Variants in HAPLN3 observed in about 807,000 individuals in gnomAD.
HAPLN3 encodes the protein hyaluronan and proteoglycan link protein 3.
In HAPLN3, 28 loss-of-function variants were observed where a neutral mutation model predicts 28.1. The observed-to-expected ratio is 1.00, with a 90% CI of 0.74 to 1.37. The LOEUF (loss-of-function observed/expected upper bound fraction) is 1.37, where lower values mean the gene tolerates loss of function less well. HAPLN3 is among the 40% of genes most tolerant of loss of function. HAPLN3 has a pLI of 0.00. For synonymous variants in HAPLN3, 211 were observed against 213.1 expected (o/e 0.99, Z 0.09); for missense variants, 513 against 504.6 (o/e 1.02, Z -0.16).
At chr15:88,878,362 C>T in intron 4 of HAPLN3, 106 bp from the exon 5 acceptor site, 1 of 1,038,076 alleles carries the variant, frequency 9.6e-7, no homozygotes, top group African/African-American at 1.6e-5. Context: ...GCCCAGGGAG[C>T]TACCATACTG....
At position 88,888,942 on chromosome 15, in the gene HAPLN3, C is replaced by A. The variant is rs186556581; in HGVS notation, c.-47-1597G>T. ...TGCCCCACACACCCACCAGGTCCAT[C>A]GTCTGTCCTTCTCTGACACGTATTG... On this transcript the variant is annotated intron_variant, in intron 1 of 4. Coordinates refer to ENST00000359595, the MANE Select transcript of HAPLN3 (RefSeq NM_178232.4). The surrounding 1 kb of genome is among the most constrained non-coding windows in gnomAD (Gnocchi z 4.1). Among the ~76,000 whole-genome samples, 1 of 152,206 alleles carries A rather than the reference C, an allele frequency of 6.6e-6. No individual in the cohort carries two copies. The highest frequency in any genetic ancestry group is 1.5e-5 in the Non-Finnish European group (1 of 68,044).
In HAPLN3 at chr15:88,895,029, CG is replaced by C. The variant is rs2141680844; in HGVS notation, c.-48+429del. 6.6e-6 allele frequency among the ~76,000 whole-genome samples: 1 copy of C among 152,366 alleles called. No homozygotes were observed. Among genetic ancestry groups the C allele is most frequent in the South Asian group, 2.1e-4 (1 of 4,832 alleles). On this transcript the variant is annotated intron_variant, in intron 1 of 4. Transcript: ENST00000359595. This position sits in a 1 kb window ranked among gnomAD's most constrained non-coding sequence, Gnocchi z 5.5. ...TGCCCTCAGCCCCTCCCAGGACTCCCGGGGCCCCCGGAGCATCCAACAGATA... is the reference window on the plus strand; with the variant it reads ...TGCCCTCAGCCCCTCCCAGGACTCCCGGGCCCCCGGAGCATCCAACAGATA...
intron 1 of HAPLN3, among the ~76,000 whole-genome samples, chr15:88,892,817 C>T (rs1163929033): frequency 1.3e-5 from 2 of 152,120 alleles, no homozygotes; most frequent in African/African-American, 4.8e-5. Flanking sequence ...TGCTGCCTTG[C>T]CTCAGGTCCA....
At chr15:88,887,792 C>T (rs1448900043) in intron 1 of HAPLN3, among the ~76,000 whole-genome samples, 3 of 151,828 alleles carry the variant, frequency 2.0e-5, no homozygotes, top group Admixed American at 1.3e-4. Context: ...GGAGAAACCC[C>T]GTCTCTACTA....
Position 88,877,969 on chromosome 15 carries a change from C to T in HAPLN3, c.*1G>A, listed in dbSNP as rs374079796. 257 of 1,594,504 alleles carry T rather than the reference C, an allele frequency of 1.6e-4. No homozygotes were observed. The highest frequency in any genetic ancestry group is 2.1e-4 in the Non-Finnish European group (241 of 1,168,902). ...AATGCGGCAGGGGAGGGCCCCAGGT[C>T]CTAGTGCTGGCGGTAGCAGTAAACA... On this transcript the variant is annotated 3_prime_UTR_variant, in exon 5 of 5. Coordinates refer to ENST00000359595, the MANE Select transcript of HAPLN3 (RefSeq NM_178232.4). The surrounding 1 kb of genome is among the most constrained non-coding windows in gnomAD (Gnocchi z 5.1).
Position 88,881,546 on chromosome 15 carries a change from G to C in HAPLN3, c.304C>G (p.Leu102Val), listed in dbSNP as rs748102787. 1.2e-6 allele frequency: 2 copies of C among 1,614,112 alleles called. No individual in the cohort carries two copies. The highest frequency in any genetic ancestry group is 1.7e-5 in the Admixed American group (1 of 60,026). ...CGGTGCCTCAGCCCGATGGCCACCAGCACGTCCTTCTCTGGGGCCCCGTTC... is the reference window on the plus strand; with the variant it reads ...CGGTGCCTCAGCCCGATGGCCACCACCACGTCCTTCTCTGGGGCCCCGTTC... ...SENGAPEKDV[L>V]VAIGLRHRSF... Residue 102 changes from leucine (L) to valine (V), a missense_variant, in exon 3 of 5, where the codon CTG becomes GTG. Coordinates refer to ENST00000359595, the MANE Select transcript of HAPLN3 (RefSeq NM_178232.4). This position sits in a 1 kb window ranked among gnomAD's most constrained non-coding sequence, Gnocchi z 6.0.
intron 1 of HAPLN3, among the ~76,000 whole-genome samples, chr15:88,893,397 G>A (rs143893524): frequency 8.6e-5 from 13 of 150,952 alleles, no homozygotes; most frequent in African/African-American, 1.2e-4. Context: ...CAGACTGGCC[G>A]ACAGAGCAAG....
chr15:88,891,135 C>A (rs554156673), intron 1 of HAPLN3, among the ~76,000 whole-genome samples: 4 of 152,310 alleles, frequency 2.6e-5, no homozygotes, highest in African/African-American at 7.2e-5. Flanking sequence ...CCACCTCGGC[C>A]TCCCAAAGTG....
chr15:88,885,534 TG>T (rs910203939), intron 2 of HAPLN3, among the ~76,000 whole-genome samples: 2 of 150,664 alleles, frequency 1.3e-5, no homozygotes, highest in African/African-American at 4.9e-5. Flanking sequence ...CTCAGCTCAC[TG>T]CAACCTCTGC....
Position 88,879,407 on chromosome 15 carries a change from A to G in HAPLN3, c.494-138T>C, listed in dbSNP as rs536150496. 16 of 1,539,394 alleles carry G rather than the reference A, an allele frequency of 1.0e-5. No homozygotes were observed. The highest frequency in any genetic ancestry group is 5.5e-5 in the African/African-American group (4 of 73,256). ...ACACCATCCCTCAGAAAAACTCAGC[A>G]AACCTCTGACCTCCTGTCCGTTGCC... On this transcript the variant is annotated intron_variant, in intron 3 of 4. Transcript: ENST00000359595. The surrounding 1 kb of genome is among the most constrained non-coding windows in gnomAD (Gnocchi z 5.0).
Position 88,879,341 on chromosome 15 carries a change from C to T in HAPLN3, c.494-72G>A. 1 of 1,593,904 alleles carries T rather than the reference C, an allele frequency of 6.3e-7. No homozygotes were observed. The highest frequency in any genetic ancestry group is 8.5e-7 in the Non-Finnish European group (1 of 1,177,022). On this transcript the variant is annotated intron_variant, in intron 3 of 4. Transcript: ENST00000359595. This position sits in a 1 kb window ranked among gnomAD's most constrained non-coding sequence, Gnocchi z 5.0. ...CTGGCTGGACACCCCGCTCTCCTCC[C>T]ACCTTCACTGGGACATGTGCTGCCT...
At chr15:88,884,520 C>T (rs569929059) in intron 2 of HAPLN3, among the ~76,000 whole-genome samples, 37 of 152,020 alleles carry the variant, frequency 2.4e-4, no homozygotes, top group African/African-American at 8.7e-4. Flanking sequence ...GCCGAGATCG[C>T]GCCACTGCAC....
At chr15:88,890,606 T>C (rs1373893108) in intron 1 of HAPLN3, among the ~76,000 whole-genome samples, 1 of 152,172 alleles carries the variant, frequency 6.6e-6, no homozygotes, top group African/African-American at 2.4e-5. Flanking sequence ...CCAGCCTCCC[T>C]CGCAGCTAGG....
chr15:88,882,366 C>G (rs1025251470), intron 2 of HAPLN3, among the ~76,000 whole-genome samples: 1 of 152,222 alleles, frequency 6.6e-6, no homozygotes, highest in African/African-American at 2.4e-5. Flanking sequence ...AGCCACCCCA[C>G]ATGAGGTACA....
chr15:88,887,280 C>A lies in HAPLN3; in HGVS notation c.19G>T (p.Val7Phe). ...GAGCCGGGCAGCAGGAGCAACGGGA[C>A]CAGGAGCAACAGGCCCATCTCCTCA... MGLLLLVPLLLLPGSYG... is the reference protein window; with the variant it reads MGLLLLFPLLLLPGSYG... The change falls in exon 2 of 5, where the codon GTC becomes TTC. Residue 7 changes from valine (V) to phenylalanine (F), a missense_variant. Val to Phe is a conservative substitution (Grantham distance 50). Transcript: ENST00000359595. 1 of 1,614,092 alleles carries A rather than the reference C, an allele frequency of 6.2e-7. No individual in the cohort carries two copies. Among genetic ancestry groups the A allele is most frequent in the African/African-American group, 1.3e-5 (1 of 75,056 alleles).
rs1897714130 is a variant in HAPLN3, at chr15:88,881,824, G to C, written c.125-99C>G. ...CTCATCCACGGCTCCTACAGGCTCA[G>C]ATTGCAAAAATGGCCACCATGCTCC... is the stretch of plus-strand genomic sequence containing the variant. On this transcript the variant is annotated intron_variant, in intron 2 of 4. Transcript: ENST00000359595. The surrounding 1 kb of genome is among the most constrained non-coding windows in gnomAD (Gnocchi z 6.0). 6.5e-6 allele frequency: 9 copies of C among 1,390,538 alleles called. No individual in the cohort carries two copies. The highest frequency in any genetic ancestry group is 8.7e-6 in the Non-Finnish European group (9 of 1,033,258). 86.1% of individuals were successfully genotyped at this position (1,390,538 alleles called of 1,614,324 possible). A position where few individuals can be genotyped will look rare whatever the true frequency, so the allele number is the denominator to read the frequency against.
At chr15:88,882,960 G>A (rs1033250155) in intron 2 of HAPLN3, among the ~76,000 whole-genome samples, 3 of 152,136 alleles carry the variant, frequency 2.0e-5, no homozygotes, top group South Asian at 4.1e-4. Flanking sequence ...AGTCATGATC[G>A]CACCACTGCA....
intron 1 of HAPLN3, among the ~76,000 whole-genome samples, chr15:88,894,806 G>C (rs1181780238): frequency 6.6e-6 from 1 of 152,144 alleles, no homozygotes; most frequent in Non-Finnish European, 1.5e-5. Context: ...ACAAGCCTAC[G>C]TTTCTCCCTG....
At position 88,881,486 on chromosome 15, in the gene HAPLN3, G is replaced by A. The variant is rs371075749; in HGVS notation, c.364C>T (p.Arg122Trp). The A allele has an allele frequency of 2.9e-5, 46 of 1,613,948 alleles. No individual in the cohort carries two copies. The highest frequency in any genetic ancestry group is 7.7e-5 in the South Asian group (7 of 91,090). ...FGDYQGRVHL[R>W]QDKEHDVSLE... ...GAGACGTCATGCTCTTTGTCCTGCC[G>A]CAGGTGCACGCGGCCTTGGTAGTCC... is the stretch of plus-strand genomic sequence containing the variant. The change falls in exon 3 of 5, where the codon CGG becomes TGG. Residue 122 changes from arginine (R) to tryptophan (W), a missense_variant. By Grantham distance (101) the Arg-to-Trp change is moderately radical. Transcript: ENST00000359595. The surrounding 1 kb of genome is among the most constrained non-coding windows in gnomAD (Gnocchi z 6.0).
Sources: gnomAD v4.1 joint callset for allele counts (sites outside exome capture counted in the v4.1 genomes callset) on GRCh38, gnomAD v4.1.1 for gene constraint, Gnocchi (gnomAD v3.1) non-coding constraint, MANE v1.5 for transcripts, NCBI Gene and HGNC (gene_info 2026-07-23, HGNC 2026-07-21) for gene names.